Variants in CAMK1D observed in about 807,000 individuals in gnomAD.
CAMK1D encodes calcium/calmodulin-dependent protein kinase type 1D.
CAMK1D carries 9 observed loss-of-function variants against 47.7 expected under a neutral mutation model. That is an observed-to-expected ratio of 0.19 (90% CI 0.11 to 0.33). The LOEUF (loss-of-function observed/expected upper bound fraction) is 0.33, where lower values mean the gene tolerates loss of function less well. CAMK1D is among the 10% of genes least tolerant of loss of function. CAMK1D has a pLI of 1.00. For missense variants in CAMK1D, 291 were observed against 488.7 expected (o/e 0.60, Z 3.81); for synonymous variants, 184 against 184.9 (o/e 0.99, Z 0.04).
chr10:12,407,253 G>A (rs1396253939), intron 1 of CAMK1D, among the ~76,000 whole-genome samples: 2 of 152,240 alleles, frequency 1.3e-5, no homozygotes, highest in African/African-American at 2.4e-5. Context: ...CAGAGCCGCC[G>A]TGAGGACTGG....
chr10:12,447,057 G>A (rs1832944940), intron 1 of CAMK1D, among the ~76,000 whole-genome samples: 1 of 152,166 alleles, frequency 6.6e-6, no homozygotes, highest in Admixed American at 6.5e-5. Flanking sequence ...TGGGATGTTC[G>A]AAACTCAGTG....
intron 1 of CAMK1D, among the ~76,000 whole-genome samples, chr10:12,376,822 C>T (rs1160259138): frequency 1.3e-5 from 2 of 150,942 alleles, no homozygotes; most frequent in South Asian, 2.1e-4. Flanking sequence ...GGCGTGATCT[C>T]GGCTCACTGC....
At chr10:12,774,875 C>T (rs1310849164) in intron 5 of CAMK1D, among the ~76,000 whole-genome samples, 1 of 152,284 alleles carries the variant, frequency 6.6e-6, no homozygotes, top group Non-Finnish European at 1.5e-5. Context: ...CTGAAACCAT[C>T]CCCAATACCG....
intron 1 of CAMK1D, among the ~76,000 whole-genome samples, chr10:12,484,330 C>T (rs538859380): frequency 4.4e-4 from 67 of 152,170 alleles, no homozygotes; most frequent in Non-Finnish European, 4.6e-4. Context: ...TACAGGAAAA[C>T]GCGTGAACTC....
intron 1 of CAMK1D, among the ~76,000 whole-genome samples, chr10:12,461,456 C>T (rs749521647): frequency 5.3e-5 from 8 of 151,964 alleles, no homozygotes; most frequent in East Asian, 3.9e-4. Context: ...CTTGGGAAGC[C>T]GAGGTGGGCG....
At chr10:12,810,609 G>A (rs1832564112) in intron 6 of CAMK1D, among the ~76,000 whole-genome samples, 1 of 152,182 alleles carries the variant, frequency 6.6e-6, no homozygotes, top group Non-Finnish European at 1.5e-5. Context: ...CCTGCCTGAG[G>A]GAGATGGGGG....
chr10:12,371,886 C>T (rs1344856786), intron 1 of CAMK1D, among the ~76,000 whole-genome samples: 3 of 152,014 alleles, frequency 2.0e-5, no homozygotes, highest in South Asian at 2.1e-4. Context: ...AGACTGGTCT[C>T]GAACTCCTGA....
At chr10:12,788,212 TG>T (rs1216143141) in intron 5 of CAMK1D, among the ~76,000 whole-genome samples, 2 of 35,288 alleles carry the variant, frequency 5.7e-5, no homozygotes, top group Non-Finnish European at 1.2e-4. Context: ...ATTTTAGAGA[TG>T]GGGCCTCACT....
chr10:12,505,826 T>C (rs12570530), intron 1 of CAMK1D, among the ~76,000 whole-genome samples: 36,229 of 151,872 alleles, frequency 0.24, 4,863 homozygotes, highest in South Asian at 0.34. Flanking sequence ...AGGGCTGATT[T>C]AATAAACCAA....
rs148595775 is a variant in CAMK1D, at chr10:12,539,829, A to G, written c.93-13396A>G. On this transcript the variant is annotated intron_variant, in intron 1 of 10. Coordinates refer to ENST00000619168, the MANE Select transcript of CAMK1D (RefSeq NM_153498.4). ...ATGCACCCTGGCAACAAATGCATGC[A>G]TGGCCCACATGGACACTTTATTTGC... 3.9e-3 allele frequency among the ~76,000 whole-genome samples: 598 copies of G among 152,336 alleles called. 3 individuals carry two copies. Among genetic ancestry groups the G allele is most frequent in the African/African-American group, 0.014 (579 of 41,570 alleles).
chr10:12,749,176 A>T (rs1269718140), intron 3 of CAMK1D, among the ~76,000 whole-genome samples: 1 of 152,130 alleles, frequency 6.6e-6, no homozygotes, highest in African/African-American at 2.4e-5. Flanking sequence ...TTGCAACCTA[A>T]ATTTCAGGAC....
chr10:12,756,556 C>T (rs949250906), intron 3 of CAMK1D, among the ~76,000 whole-genome samples: 6 of 152,188 alleles, frequency 3.9e-5, no homozygotes, highest in Non-Finnish European at 7.3e-5. Flanking sequence ...TTATGTCAAA[C>T]GATTTCATAT....
chr10:12,403,701 A>C (rs921502602), intron 1 of CAMK1D, among the ~76,000 whole-genome samples: 1 of 152,184 alleles, frequency 6.6e-6, no homozygotes, highest in Non-Finnish European at 1.5e-5. Context: ...GATTTGCAAA[A>C]AATTCAGTAT....
At chr10:12,416,998 T>G (rs558844085) in intron 1 of CAMK1D, among the ~76,000 whole-genome samples, 2 of 152,196 alleles carry the variant, frequency 1.3e-5, no homozygotes, top group Admixed American at 1.3e-4. Context: ...TCACACTGCT[T>G]GGGCCTGCAT....
intron 1 of CAMK1D, among the ~76,000 whole-genome samples, chr10:12,510,595 C>G (rs1835011954): frequency 6.6e-6 from 1 of 152,220 alleles, no homozygotes; most frequent in Non-Finnish European, 1.5e-5. Context: ...CAGGCAGAAT[C>G]AGACTCTTTG....
intron 5 of CAMK1D, among the ~76,000 whole-genome samples, chr10:12,785,832 A>G (rs376290459): frequency 1.3e-5 from 2 of 152,148 alleles, no homozygotes; most frequent in African/African-American, 4.8e-5. Flanking sequence ...GAAACAAGAA[A>G]ATGGATGGGT....
At chr10:12,394,004 G>A (rs552451510) in intron 1 of CAMK1D, among the ~76,000 whole-genome samples, 4 of 152,280 alleles carry the variant, frequency 2.6e-5, no homozygotes, top group African/African-American at 4.8e-5. Flanking sequence ...GACCGCTCCC[G>A]ACACCCCCTC....
intron 2 of CAMK1D, among the ~76,000 whole-genome samples, chr10:12,593,272 C>G (rs768112790): frequency 6.6e-6 from 1 of 152,176 alleles, no homozygotes; most frequent in Non-Finnish European, 1.5e-5. Flanking sequence ...TGATCAATCT[C>G]CCTCTGGACT....
chr10:12,379,739 C>T (rs568953755), intron 1 of CAMK1D, among the ~76,000 whole-genome samples: 11 of 152,072 alleles, frequency 7.2e-5, no homozygotes, highest in African/African-American at 1.4e-4. Context: ...GGCGGCAAAG[C>T]GAAACCTTGT....
Sources: allele counts gnomAD v4.1 joint callset (sites outside exome capture counted in the v4.1 genomes callset), GRCh38; gene constraint gnomAD v4.1.1; transcripts MANE v1.5; gene names NCBI Gene and HGNC (gene_info 2026-07-23, HGNC 2026-07-21).